The following RAB3GAP2 variants were observed in gnomAD, a reference collection of about 807,000 sequenced individuals.
The protein encoded by RAB3GAP2 is RAB3 GTPase activating non-catalytic protein subunit 2, also known as rab3 GTPase-activating protein non-catalytic subunit.
RAB3GAP2 carries 87 observed loss-of-function variants against 185.3 expected under a neutral mutation model. The observed-to-expected ratio is 0.47, with a 90% CI of 0.39 to 0.56. RAB3GAP2 has a LOEUF of 0.56. Among genes scored for constraint, RAB3GAP2 ranks in the 20% least tolerant of loss-of-function variants. The pLI is 0.00. For synonymous variants in RAB3GAP2, 554 were observed against 576.1 expected, an observed-to-expected ratio of 0.96 and a Z score of 0.55; for missense variants, 1,492 against 1,638.2, an observed-to-expected ratio of 0.91 and a Z score of 1.54.
intron 1 of RAB3GAP2, among the ~76,000 whole-genome samples, chr1:220,261,353 A>G (rs1660134182): frequency 6.6e-6 from 1 of 152,208 alleles, no homozygotes; most frequent in South Asian, 2.1e-4. Flanking sequence ...CTCATTCAAA[A>G]ATACTTGTCA....
rs1226371714 is a variant in RAB3GAP2 at position 220,167,317 on chromosome 1, A to T, written c.3063T>A (p.Val1021=). The change falls in exon 26 of 35, where the codon GTT becomes GTA. Residue 1021 remains valine (V), a synonymous_variant. Coordinates refer to ENST00000358951, the MANE Select transcript of RAB3GAP2 (RefSeq NM_012414.4). ...CCTCTGGATCTTTATTCCACTGAAC[A>T]ACGTACTCCCAGCAGCAATGTGCAT... The part of the protein sequence containing the change: ...VLHAHCCWEY[V]VQWNKDPEEA... 1.2e-6 allele frequency: 2 copies of T among 1,614,074 alleles called. No individual in the cohort carries two copies. Among genetic ancestry groups the T allele is most frequent in the Non-Finnish European group, 1.7e-6 (2 of 1,180,008 alleles).
intron 9 of RAB3GAP2, among the ~76,000 whole-genome samples, chr1:220,197,265 G>A (rs772463886): frequency 5.3e-5 from 8 of 152,142 alleles, no homozygotes; most frequent in Non-Finnish European, 7.4e-5. Flanking sequence ...TGGGATTACC[G>A]GTGTGAGCCA....
chr1:220,167,819 T>C (rs1658099637), intron 24 of RAB3GAP2, 144 bp from the exon 25 acceptor site: 1 of 876,524 alleles, frequency 1.1e-6, no homozygotes, highest in African/African-American at 1.6e-5. Context: ...CCATGAGATT[T>C]ACAGCAGTGT....
chr1:220,197,801 T>C (rs1024416757), intron 9 of RAB3GAP2, among the ~76,000 whole-genome samples: 3 of 152,226 alleles, frequency 2.0e-5, no homozygotes, highest in Admixed American at 1.3e-4. Context: ...TCTAATTTAT[T>C]GTAAGGAAAT....
intron 2 of RAB3GAP2, among the ~76,000 whole-genome samples, chr1:220,223,809 T>C (rs1659352636): frequency 6.6e-6 from 1 of 151,660 alleles, no homozygotes; most frequent in Non-Finnish European, 1.5e-5. Context: ...CTATTTGGAA[T>C]ACAAATTGGC....
At position 220,173,455 on chromosome 1, in the gene RAB3GAP2, T is replaced by C. The variant is rs568403511; in HGVS notation, c.2311-713A>G. On this transcript the variant is annotated intron_variant, in intron 21 of 34. Coordinates refer to ENST00000358951, the MANE Select transcript of RAB3GAP2 (RefSeq NM_012414.4). ...TAATTATAATACTGCAATACTTTTA[T>C]GTGAAAAATAGCTCTAAGTTAAAAG... Among the ~76,000 whole-genome samples, 32 of 152,322 alleles carry C rather than the reference T, an allele frequency of 2.1e-4. No homozygotes were observed. In the South Asian group the frequency reaches 5.8e-3, roughly 28 times the overall value.
At chr1:220,210,330 G>T in intron 7 of RAB3GAP2, 58 bp downstream of exon 7, 1 of 1,269,840 alleles carries the variant, frequency 7.9e-7, no homozygotes, top group Non-Finnish European at 1.2e-6. Context: ...AAAAAGAGGA[G>T]AGAAACTGCT....
intron 17 of RAB3GAP2, among the ~76,000 whole-genome samples, chr1:220,187,264 G>A (rs1309507570): frequency 6.6e-6 from 1 of 152,142 alleles, no homozygotes; most frequent in Non-Finnish European, 1.5e-5. Flanking sequence ...CTAGTGTTTG[G>A]TCTCTGTCCT....
intron 19 of RAB3GAP2, 135 bp downstream of exon 19, chr1:220,183,901 G>A (rs1308965707): frequency 4.5e-6 from 3 of 661,872 alleles, no homozygotes; most frequent in African/African-American, 3.7e-5. Context: ...GAGCTAGCAG[G>A]GGGCTTGGTA....
rs112968685 is a variant in RAB3GAP2 at position 220,196,674 on chromosome 1, T to C, written c.812-276A>G. 3.9e-3 allele frequency among the ~76,000 whole-genome samples: 594 copies of C among 151,718 alleles called. 3 individuals are homozygous for C. Among genetic ancestry groups the C allele is most frequent in the African/African-American group, 0.014 (565 of 41,416 alleles). ...GGTGAAACCCCGCCTCTACTAAATA[T>C]ACAAAAATTAGCCATGCATGGTGGT... On this transcript the variant is annotated intron_variant, in intron 9 of 34. Coordinates refer to ENST00000358951, the MANE Select transcript of RAB3GAP2 (RefSeq NM_012414.4).
At chr1:220,230,177 G>A (rs1042279028) in intron 2 of RAB3GAP2, among the ~76,000 whole-genome samples, 4 of 152,072 alleles carry the variant, frequency 2.6e-5, no homozygotes, top group African/African-American at 9.7e-5. Flanking sequence ...CCCATGAAGT[G>A]GCCTGGTGTA....
In RAB3GAP2 at chr1:220,212,953, C is replaced by T. The variant is rs935201493; in HGVS notation, c.320G>A (p.Ser107Asn). The change falls in exon 4 of 35, where the codon AGT becomes AAT. Residue 107 changes from serine to asparagine, a missense_variant. Physicochemically the swap from Ser to Asn is conservative, Grantham distance 46 (BLOSUM62 1). This residue lies in a region of RAB3GAP2 where 177 missense variants were observed against 160.6 expected (regional missense o/e 1.10). Transcript: ENST00000358951. Reference sequence around the variant, plus strand: ...TTGCATTTCTTCCTTTCCTTTATCACTATATTTCCATTTTGCTGTAAGAAT... The same window carrying T: ...TTGCATTTCTTCCTTTCCTTTATCATTATATTTCCATTTTGCTGTAAGAAT... ...AVFLVPKWKYSDKGKEEMQFA... is the reference protein window; with the variant it reads ...AVFLVPKWKYNDKGKEEMQFA... The T allele has an allele frequency of 6.2e-7, 1 of 1,611,356 alleles. No individual in the cohort carries two copies. The highest frequency in any genetic ancestry group is 1.7e-5 in the Admixed American group (1 of 59,960).
chr1:220,175,279 T>C (rs1033219716), intron 21 of RAB3GAP2, among the ~76,000 whole-genome samples: 6 of 152,016 alleles, frequency 3.9e-5, no homozygotes, highest in South Asian at 2.1e-4. Flanking sequence ...TAGGTTGGAG[T>C]GCAGTGGCGC....
intron 2 of RAB3GAP2, among the ~76,000 whole-genome samples, chr1:220,232,587 T>TA (rs1284532067): frequency 5.9e-5 from 9 of 152,198 alleles, no homozygotes; most frequent in African/African-American, 9.7e-5. Context: ...GGTATTCTGT[T>TA]ATAGCAACAC....
chr1:220,201,866 C>G (rs1299391516), intron 9 of RAB3GAP2, among the ~76,000 whole-genome samples: 1 of 152,006 alleles, frequency 6.6e-6, no homozygotes, highest in Non-Finnish European at 1.5e-5. Context: ...AAAGGCAATG[C>G]ATTTTTTCAC....
chr1:220,167,655 C>A lies in RAB3GAP2; in HGVS notation c.2827G>T (p.Ala943Ser). ...AAGTCCTGTTTAAATATCCACTTGG[C>A]TACACTGTCTGCAATGCCACCTATA... The part of the protein sequence containing the change: ...GGKGGIADSV[A>S]KWIFKQDFSP... Residue 943 changes from alanine to serine, a missense_variant, in exon 25 of 35, where the codon GCC becomes TCC. This residue lies in a region of RAB3GAP2 where 681 missense variants were observed against 689.1 expected (regional missense o/e 0.99). Transcript: ENST00000358951. 3 of 1,613,928 alleles carry A rather than the reference C, an allele frequency of 1.9e-6. No homozygotes were observed. Among genetic ancestry groups the A allele is most frequent in the Non-Finnish European group, 2.5e-6 (3 of 1,179,996 alleles).
At chr1:220,263,473 A>T (rs577759718) in intron 1 of RAB3GAP2, among the ~76,000 whole-genome samples, 14 of 152,240 alleles carry the variant, frequency 9.2e-5, no homozygotes, top group Non-Finnish European at 1.6e-4. Context: ...TATATGGTAT[A>T]AGATAAGGAT....
chr1:220,221,206 G>A lies in RAB3GAP2; in HGVS notation c.181-7227C>T, dbSNP rs150297424. On this transcript the variant is annotated intron_variant, in intron 2 of 34. Transcript: ENST00000358951. ...TTTTCTTTTTATGCACTGTCCTCAT[G>A]GCTATATTCTCCAGGGAACTTGTTC... Among the ~76,000 whole-genome samples, 221 of 152,154 alleles carry A rather than the reference G, an allele frequency of 1.5e-3. 2 individuals are homozygous for A. Among genetic ancestry groups the A allele is most frequent in the African/African-American group, 5.2e-3 (217 of 41,510 alleles).
Position 220,167,598 on chromosome 1 carries a change from C to T in RAB3GAP2, c.2884G>A (p.Glu962Lys), listed in dbSNP as rs1658094190. 2 of 1,614,130 alleles carry T rather than the reference C, an allele frequency of 1.2e-6. No individual in the cohort carries two copies. Among genetic ancestry groups the T allele is most frequent in the Non-Finnish European group, 8.5e-7 (1 of 1,179,994 alleles). Residue 962 changes from glutamate to lysine, a missense_variant, in exon 25 of 35, where the codon GAA becomes AAA. Physicochemically the swap from Glu to Lys is moderately conservative, Grantham distance 56. This residue lies in a region of RAB3GAP2 where 681 missense variants were observed against 689.1 expected (regional missense o/e 0.99). Transcript: ENST00000358951. The part of the protein sequence containing the change: ...SPEVLKLANE[E>K]RDAENPDEPK... ...TCATCTGGGTTTTCTGCATCTCTTTCTTCATTAGCCAGTTTTAATACTTCA... is the reference window on the plus strand; with the variant it reads ...TCATCTGGGTTTTCTGCATCTCTTTTTTCATTAGCCAGTTTTAATACTTCA...
Sources: allele counts gnomAD v4.1 joint callset (sites outside exome capture counted in the v4.1 genomes callset), GRCh38; gene constraint gnomAD v4.1.1; regional missense constraint gnomAD v4.1.1; transcripts MANE v1.5; gene names NCBI Gene and HGNC (gene_info 2026-07-23, HGNC 2026-07-21).